The following KAZN variants were observed in gnomAD, a reference collection of about 807,000 sequenced individuals.
KAZN encodes the protein kazrin, periplakin interacting protein, also known as kazrin.
KAZN carries 40 observed loss-of-function variants against 87.4 expected under a neutral mutation model. The observed-to-expected ratio is 0.46, with a 90% CI of 0.36 to 0.60. The LOEUF (loss-of-function observed/expected upper bound fraction) is 0.60, where lower values mean the gene tolerates loss of function less well. Among genes scored for constraint, KAZN ranks in the 20% least tolerant of loss-of-function variants. The pLI is 0.00. For synonymous variants in KAZN, 466 were observed against 458.3 expected, an observed-to-expected ratio of 1.02 and a Z score of -0.22; for missense variants, 898 against 1,073.9, an observed-to-expected ratio of 0.84 and a Z score of 2.29.
chr1:14,610,883 T>C (rs1677762859), intron 1 of KAZN, among the ~76,000 whole-genome samples: 1 of 152,204 alleles, frequency 6.6e-6, no homozygotes, highest in South Asian at 2.1e-4. Flanking sequence ...AGCTCTTTTA[T>C]TCGGGTCTTT....
chr1:14,368,451 T>TCA (rs1660194172), intron 2 of KAZN, among the ~76,000 whole-genome samples: 1 of 152,220 alleles, frequency 6.6e-6, no homozygotes, highest in Non-Finnish European at 1.5e-5. Flanking sequence ...GATGTGGTCA[T>TCA]CAACAAAGCT....
At chr1:14,946,678 C>A (rs1309177396) in intron 1 of KAZN, among the ~76,000 whole-genome samples, 1 of 152,146 alleles carries the variant, frequency 6.6e-6, no homozygotes, top group African/African-American at 2.4e-5. Context: ...TTCAGCTGAG[C>A]CCCCGTTCAC....
intron 2 of KAZN, among the ~76,000 whole-genome samples, chr1:14,194,196 A>C (rs914141685): frequency 6.6e-6 from 1 of 152,126 alleles, no homozygotes; most frequent in African/African-American, 2.4e-5. Flanking sequence ...TTGATACTTT[A>C]GAGGACGCAT....
At chr1:14,916,112 A>T (rs1207345875) in intron 1 of KAZN, among the ~76,000 whole-genome samples, 1 of 151,654 alleles carries the variant, frequency 6.6e-6, no homozygotes, top group Non-Finnish European at 1.5e-5. Context: ...GGCACATAGT[A>T]AGTGCTATGT....
chr1:14,139,949 G>A (rs199954373), intron 1 of KAZN, among the ~76,000 whole-genome samples: 45,866 of 149,870 alleles, frequency 0.31, 7,648 homozygotes, highest in East Asian at 0.62. Context: ...GTGTGTGTGT[G>A]TGTGTGTGTG....
intron 13 of KAZN, among the ~76,000 whole-genome samples, chr1:15,109,892 T>TA: frequency 6.6e-6 from 1 of 152,150 alleles, no homozygotes; most frequent in South Asian, 2.1e-4. Context: ...TGTGTGCTTG[T>TA]GTGTATATGT....
intron 2 of KAZN, among the ~76,000 whole-genome samples, chr1:14,194,790 G>A (rs116301174): frequency 0.014 from 2,132 of 152,176 alleles, 47 homozygotes; most frequent in African/African-American, 0.049. Flanking sequence ...GGAGGGGAGG[G>A]GGACATGAGC....
chr1:14,655,444 T>G (rs1638731768), intron 1 of KAZN, among the ~76,000 whole-genome samples: 1 of 152,214 alleles, frequency 6.6e-6, no homozygotes, highest in South Asian at 2.1e-4. Context: ...CCTTTGATAA[T>G]GTGGTGCATT....
intron 1 of KAZN, among the ~76,000 whole-genome samples, chr1:14,146,227 T>C (rs1461784473): frequency 6.6e-6 from 1 of 151,790 alleles, no homozygotes; most frequent in East Asian, 1.9e-4. Flanking sequence ...GAGGATTCCA[T>C]AAATAACTTT....
At chr1:14,006,620 T>C (rs994756515) in intron 1 of KAZN, among the ~76,000 whole-genome samples, 4 of 152,228 alleles carry the variant, frequency 2.6e-5, no homozygotes, top group African/African-American at 9.6e-5. Flanking sequence ...GTGTGTCTTC[T>C]TGGTGCCCTG....
At chr1:13,983,613 A>G (rs548412598) in intron 1 of KAZN, among the ~76,000 whole-genome samples, 7 of 152,326 alleles carry the variant, frequency 4.6e-5, no homozygotes, top group African/African-American at 1.7e-4. Context: ...GGGCTCCCAC[A>G]GCGAAGCGAT....
At chr1:14,237,423 G>A (rs535520759) in intron 2 of KAZN, among the ~76,000 whole-genome samples, 39 of 152,138 alleles carry the variant, frequency 2.6e-4, no homozygotes, top group African/African-American at 7.5e-4. Context: ...TCATTGCCTC[G>A]TCACATGAAA....
chr1:14,821,065 C>T (rs1646724576), intron 1 of KAZN, among the ~76,000 whole-genome samples: 1 of 152,054 alleles, frequency 6.6e-6, no homozygotes, highest in Non-Finnish European at 1.5e-5. Flanking sequence ...ATAGAAGTCC[C>T]AGAGATCAAA....
chr1:14,918,853 C>T (rs1471303728), intron 1 of KAZN, among the ~76,000 whole-genome samples: 19 of 151,428 alleles, frequency 1.3e-4, no homozygotes, highest in Non-Finnish European at 1.2e-4. Flanking sequence ...CCACCTGACA[C>T]CTTGATTGCA....
chr1:14,449,621 C>A (rs10803280), intron 2 of KAZN, among the ~76,000 whole-genome samples: 40,876 of 152,124 alleles, frequency 0.27, 6,464 homozygotes, highest in Middle Eastern at 0.44. Context: ...CCTTGGAACA[C>A]ATGTTCCCCA....
chr1:14,002,487 A>C (rs1343215308), intron 1 of KAZN, among the ~76,000 whole-genome samples: 1 of 152,220 alleles, frequency 6.6e-6, no homozygotes, highest in Non-Finnish European at 1.5e-5. Context: ...CCACGTAAGA[A>C]GTGCCTTTTG....
rs116181776 is a variant in KAZN at position 14,640,800 on chromosome 1, C to A, written c.226+41577C>A. The stretch of plus-strand genomic sequence containing the variant: ...CACTGTCCATCCCCTCACCTCTGAC[C>A]CCTTTAGCAGCTTAACTCCTCTTCT... On this transcript the variant is annotated intron_variant, in intron 1 of 14. Coordinates refer to ENST00000376030, the MANE Select transcript of KAZN (RefSeq NM_201628.3). Among the ~76,000 whole-genome samples the A allele has an allele frequency of 5.7e-3, 870 of 152,286 alleles. 8 individuals carry two copies. Among genetic ancestry groups the A allele is most frequent in the Non-Finnish European group, 9.0e-3 (614 of 68,028 alleles).
intron 1 of KAZN, among the ~76,000 whole-genome samples, chr1:14,919,118 C>T (rs748573027): frequency 1.2e-4 from 18 of 152,306 alleles, no homozygotes; most frequent in Non-Finnish European, 7.4e-5. Context: ...ACCCTCCTCA[C>T]ACCCGCAAAG....
At position 15,040,874 on chromosome 1, in the gene KAZN, T is replaced by A. The variant is rs117354937; in HGVS notation, c.556-3115T>A. 2.0e-4 allele frequency among the ~76,000 whole-genome samples: 30 copies of A among 152,126 alleles called. No individual in the cohort carries two copies. In the East Asian group the frequency reaches 4.6e-3, roughly 23 times the overall value. On this transcript the variant is annotated intron_variant, in intron 3 of 14. Coordinates refer to ENST00000376030, the MANE Select transcript of KAZN (RefSeq NM_201628.3). ...TGCCAAATGCACTTTCCCTGTCACGTGACTGCAGATGGAAGGGAAACAGGC... is the reference window on the plus strand; with the variant it reads ...TGCCAAATGCACTTTCCCTGTCACGAGACTGCAGATGGAAGGGAAACAGGC...
Sources: gnomAD v4.1 joint callset for allele counts (sites outside exome capture counted in the v4.1 genomes callset) on GRCh38, gnomAD v4.1.1 for gene constraint, MANE v1.5 for transcripts, NCBI Gene and HGNC (gene_info 2026-07-23, HGNC 2026-07-21) for gene names.